DDX60: variants seen among roughly 807,000 people sequenced by gnomAD.
DDX60 encodes DExD/H-box helicase 60, also known as probable ATP-dependent RNA helicase DDX60.
Under a neutral mutation model 212.8 loss-of-function variants are expected in DDX60, and 165 were observed. That is an observed-to-expected ratio of 0.78 (90% CI 0.68 to 0.88). The LOEUF is 0.88. Among genes scored for constraint, DDX60 ranks in the 40% least tolerant of loss-of-function variants. DDX60 has a pLI of 0.00. For missense variants in DDX60, 1,905 were observed against 2,003.9 expected, an observed-to-expected ratio of 0.95 and a Z score of 0.94; for synonymous variants, 703 against 685.3, an observed-to-expected ratio of 1.03 and a Z score of -0.40.
intron 30 of DDX60, among the ~76,000 whole-genome samples, chr4:168,244,773 A>G (rs1733967042): frequency 6.6e-6 from 1 of 152,110 alleles, no homozygotes; most frequent in African/African-American, 2.4e-5. Flanking sequence ...CAGGAAAACA[A>G]AAGTCCAGTA....
chr4:168,224,703 C>T (rs1433333881), intron 34 of DDX60, among the ~76,000 whole-genome samples: 1 of 152,000 alleles, frequency 6.6e-6, no homozygotes, highest in Non-Finnish European at 1.5e-5. Context: ...TACCTTTGTA[C>T]TTTTTCTTAC....
chr4:168,244,179 G>C (rs4608760), intron 30 of DDX60, among the ~76,000 whole-genome samples: 3,394 of 152,202 alleles, frequency 0.022, 212 homozygotes, highest in East Asian at 0.15. Flanking sequence ...GGGTTGATAG[G>C]TGCAGCAAAC....
intron 37 of DDX60, among the ~76,000 whole-genome samples, chr4:168,218,626 T>A (rs1732936089): frequency 6.6e-6 from 1 of 152,130 alleles, no homozygotes; most frequent in Non-Finnish European, 1.5e-5. Flanking sequence ...CTTCTTAATG[T>A]TAACATAAAG....
At chr4:168,275,528 T>C (rs1431384617) in intron 15 of DDX60, 25 bp from the exon 16 acceptor site, 2 of 1,557,198 alleles carry the variant, frequency 1.3e-6, no homozygotes, top group African/African-American at 2.7e-5. Context: ...AAGTCCATTT[T>C]GAAAATGACA....
At chr4:168,240,207 A>G (rs1733790096) in intron 30 of DDX60, among the ~76,000 whole-genome samples, 1 of 152,168 alleles carries the variant, frequency 6.6e-6, no homozygotes, top group African/African-American at 2.4e-5. Flanking sequence ...ATCACAAATG[A>G]ACTCCCCTTC....
Position 168,288,241 on chromosome 4 carries a change from A to G in DDX60, c.1116T>C (p.Leu372=). 3 of 1,506,924 alleles carry G rather than the reference A, an allele frequency of 2.0e-6. No homozygotes were observed. The highest frequency in any genetic ancestry group is 2.7e-6 in the Non-Finnish European group (3 of 1,100,308). 93.3% of individuals were successfully genotyped at this position (1,506,924 alleles called of 1,614,324 possible). A position where few individuals can be genotyped will look rare whatever the true frequency, so the allele number is the denominator to read the frequency against. The change falls in exon 9 of 38, where the codon CTT becomes CTC. Residue 372 remains leucine, a synonymous_variant. Transcript: ENST00000393743. ...ACAAAAGCTCATCATTTAAGTCAGA[A>G]AGGTGAATTAAATTCAGATTCCAAA... is the stretch of plus-strand genomic sequence containing the variant. ...FEFWNLNLIH[L]SDLNDELLLK... is the part of the protein sequence containing the mutation.
intron 13 of DDX60, among the ~76,000 whole-genome samples, chr4:168,281,729 G>C (rs1735603459): frequency 6.6e-6 from 1 of 152,080 alleles, no homozygotes; most frequent in Non-Finnish European, 1.5e-5. Flanking sequence ...CACACTTCTG[G>C]TTAGTCACGA....
chr4:168,235,253 A>T (rs1488185230), intron 33 of DDX60, among the ~76,000 whole-genome samples: 1 of 151,750 alleles, frequency 6.6e-6, no homozygotes, highest in East Asian at 2.0e-4. Flanking sequence ...CAATCCTCCC[A>T]CCTCTGCCTC....
chr4:168,260,946 C>A lies in DDX60; in HGVS notation c.3317G>T (p.Ser1106Ile). ...LQNLSPEADL[S>I]PENMITMFPL... ...AAACATGGTGATCATGTTTTCTGGACTCAAATCTGCTTCAGGACTAAGATT... is the reference window on the plus strand; with the variant it reads ...AAACATGGTGATCATGTTTTCTGGAATCAAATCTGCTTCAGGACTAAGATT... Residue 1106 changes from serine (S) to isoleucine (I), a missense_variant, in exon 25 of 38, where the codon AGT becomes ATT. Transcript: ENST00000393743. 1 of 1,613,492 alleles carries A rather than the reference C, an allele frequency of 6.2e-7. No individual in the cohort carries two copies.
chr4:168,302,506 TTA>T (rs1232531006), intron 5 of DDX60, 90 bp from the exon 6 acceptor site: 4 of 562,076 alleles, frequency 7.1e-6, no homozygotes, highest in African/African-American at 3.9e-5. Flanking sequence ...TTAGATATAA[TTA>T]TGTTACGATA....
Position 168,317,184 on chromosome 4 carries a change from G to A in DDX60, c.-107+1438C>T, listed in dbSNP as rs143936970. 1.2e-3 allele frequency among the ~76,000 whole-genome samples: 174 copies of A among 151,152 alleles called. 2 individuals carry two copies. The East Asian group carries it at 0.029, about 25-fold the overall frequency. ...CAAAATATGTTAAATGACACCACAG[G>A]GATTAGGACACATACACACACACAC... On this transcript the variant is annotated intron_variant, in intron 1 of 37. Transcript: ENST00000393743.
chr4:168,310,896 A>G, intron 3 of DDX60, 102 bp downstream of exon 3: 1 of 651,744 alleles, frequency 1.5e-6, no homozygotes, highest in Non-Finnish European at 2.7e-6. Flanking sequence ...TAGCCCCTAC[A>G]TTGTTCAATG....
chr4:168,227,878 T>C (rs1733313942), intron 33 of DDX60, among the ~76,000 whole-genome samples: 1 of 152,264 alleles, frequency 6.6e-6, no homozygotes, highest in Non-Finnish European at 1.5e-5. Context: ...CTGATTCTTC[T>C]GGTTAGTGTT....
intron 30 of DDX60, among the ~76,000 whole-genome samples, chr4:168,242,000 G>A (rs1399245767): frequency 6.6e-6 from 1 of 152,138 alleles, no homozygotes; most frequent in African/African-American, 2.4e-5. Context: ...AGCTGCTCCC[G>A]CTATGACTAA....
intron 19 of DDX60, among the ~76,000 whole-genome samples, chr4:168,269,848 C>T (rs993944446): frequency 7.9e-5 from 12 of 152,092 alleles, no homozygotes; most frequent in African/African-American, 2.9e-4. Flanking sequence ...AGAGCTTTCA[C>T]GTATATTATT....
chr4:168,288,216 A>G lies in DDX60; in HGVS notation c.1141T>C (p.Leu381=). Residue 381 remains leucine, a synonymous_variant, in exon 9 of 38, where the codon TTG becomes CTG. Coordinates refer to ENST00000393743, the MANE Select transcript of DDX60 (RefSeq NM_017631.6). ...TCATAGTAAAAAGCAATATTCTTCAACAAAAGCTCATCATTTAAGTCAGAA... is the reference window on the plus strand; with the variant it reads ...TCATAGTAAAAAGCAATATTCTTCAGCAAAAGCTCATCATTTAAGTCAGAA... The part of the protein sequence containing the change: ...HLSDLNDELL[L]KNIAFYYENE... 6.6e-7 allele frequency: 1 copy of G among 1,521,546 alleles called. No homozygotes were observed. Among genetic ancestry groups the G allele is most frequent in the East Asian group, 2.3e-5 (1 of 42,556 alleles). 94.3% of individuals were successfully genotyped at this position (1,521,546 alleles called of 1,614,324 possible). A position where few individuals can be genotyped will look rare whatever the true frequency, so the allele number is the denominator to read the frequency against.
rs763563943 is a variant in DDX60 at position 168,272,115 on chromosome 4, G to A, written c.2598C>T (p.Cys866=). Residue 866 remains cysteine, a synonymous_variant, in exon 19 of 38, where the codon TGC becomes TGT. Coordinates refer to ENST00000393743, the MANE Select transcript of DDX60 (RefSeq NM_017631.6). ...GAGGAGCAAGCAGCAGAATTTCAAA[G>A]CAGGCAGGCACTGTAATAAGTACCT... is the stretch of plus-strand genomic sequence containing the variant. ...NCQVLITVPA[C]FEILLLAPHR... 5 of 1,582,058 alleles carry A rather than the reference G, an allele frequency of 3.2e-6. No homozygotes were observed. Among genetic ancestry groups the A allele is most frequent in the Non-Finnish European group, 4.3e-6 (5 of 1,161,090 alleles).
At chr4:168,277,899 T>C (rs1346033413) in intron 14 of DDX60, among the ~76,000 whole-genome samples, 3 of 151,982 alleles carry the variant, frequency 2.0e-5, no homozygotes, top group Non-Finnish European at 4.4e-5. Flanking sequence ...AGTCGTGTGA[T>C]GAAATCTCGC....
Position 168,260,952 on chromosome 4 carries a change from T to C in DDX60, c.3311A>G (p.Asp1104Gly), listed in dbSNP as rs201643603. The stretch of plus-strand genomic sequence containing the variant: ...GGTGATCATGTTTTCTGGACTCAAA[T>C]CTGCTTCAGGACTAAGATTCTGAAG... ...MVLQNLSPEA[D>G]LSPENMITMF... The change falls in exon 25 of 38, where the codon GAT (aspartate) becomes GGT (glycine). Residue 1104 changes from aspartate to glycine, a missense_variant. By Grantham distance (94) the Asp-to-Gly change is moderately conservative. Transcript: ENST00000393743. 89 of 1,613,680 alleles carry C rather than the reference T, an allele frequency of 5.5e-5. No individual in the cohort carries two copies. In the Admixed American group the frequency reaches 5.7e-4, roughly 10 times the overall value.
Sources: gnomAD v4.1 joint callset for allele counts (sites outside exome capture counted in the v4.1 genomes callset) on GRCh38, gnomAD v4.1.1 for gene constraint, MANE v1.5 for transcripts, NCBI Gene and HGNC (gene_info 2026-07-23, HGNC 2026-07-21) for gene names.